The following VPS51 variants were observed in gnomAD, a reference collection of about 807,000 sequenced individuals.
The protein encoded by VPS51 is vacuolar protein sorting-associated protein 51 homolog.
Under a neutral mutation model 65.1 loss-of-function variants are expected in VPS51, and 55 were observed. That is an observed-to-expected ratio of 0.84 (90% CI 0.68 to 1.06). The LOEUF is 1.06. VPS51 is among the 50% of genes least tolerant of loss of function. The pLI, the probability that VPS51 is intolerant of heterozygous loss-of-function variation, is 0.00. For missense variants in VPS51, 943 were observed against 1,101.6 expected, an observed-to-expected ratio of 0.86 and a Z score of 2.04; for synonymous variants, 473 against 489.5, an observed-to-expected ratio of 0.97 and a Z score of 0.44.
intron 9 of VPS51, 110 bp downstream of exon 9, chr11:65,110,891 CCCTGACCCT>C: frequency 7.7e-7 from 1 of 1,299,914 alleles, no homozygotes; most frequent in Non-Finnish European, 1.1e-6. Flanking sequence ...CTGGGGGTGA[CCCTGACCCT>C]CCAGTCTCTG....
At chr11:65,110,071 GC>G in intron 7 of VPS51, 148 bp downstream of exon 7, 2 of 905,504 alleles carry the variant, frequency 2.2e-6, no homozygotes, top group African/African-American at 1.7e-5. Context: ...CAGTTCTGTA[GC>G]CAGGGCGTCC....
chr11:65,096,848 G>A, intron 1 of VPS51, 150 bp from the exon 2 acceptor site: 1 of 1,224,238 alleles, frequency 8.2e-7, no homozygotes, highest in Non-Finnish European at 1.1e-6. Context: ...GCCACTTAGG[G>A]CCCCCTGCCT....
intron 2 of VPS51, among the ~76,000 whole-genome samples, chr11:65,100,843 G>A (rs1190344568): frequency 6.6e-6 from 1 of 152,078 alleles, no homozygotes; most frequent in Non-Finnish European, 1.5e-5. Context: ...ACCATGCCTG[G>A]CCAATAGCAG....
At chr11:65,100,821 CAGGCAAG>C (rs1364319891) in intron 2 of VPS51, among the ~76,000 whole-genome samples, 1 of 152,094 alleles carries the variant, frequency 6.6e-6, no homozygotes, top group African/African-American at 2.4e-5. Flanking sequence ...ACTGGGATTA[CAGGCAAG>C]AGCCACCATG....
rs1947904343 is a variant in VPS51 at position 65,111,656 on chromosome 11, C to T, written c.*69C>T. 7.1e-7 allele frequency: 1 copy of T among 1,403,588 alleles called. No homozygotes were observed. Among genetic ancestry groups the T allele is most frequent in the Non-Finnish European group, 9.3e-7 (1 of 1,072,156 alleles). The allele number at this position is 1,403,588 out of a possible 1,614,324, so 86.9% of individuals were successfully genotyped here. On this transcript the variant is annotated 3_prime_UTR_variant, in exon 10 of 10. Coordinates refer to ENST00000279281, the MANE Select transcript of VPS51 (RefSeq NM_013265.4). The stretch of plus-strand genomic sequence containing the variant: ...CACCCAGGATCTGGTCTCGGTGGTC[C>T]TTCCCCGCAGGCAGGTGTCAGGACC...
intron 9 of VPS51, 51 bp from the exon 10 acceptor site, chr11:65,111,276 C>T: frequency 1.3e-6 from 2 of 1,597,928 alleles, no homozygotes; most frequent in Non-Finnish European, 1.7e-6. Flanking sequence ...TTGGGTGTCC[C>T]CCACACACAC....
At position 65,111,627 on chromosome 11, in the gene VPS51, A is replaced by G. The variant is rs1463130705; in HGVS notation, c.*40A>G. 1.1e-5 allele frequency: 17 copies of G among 1,563,452 alleles called. No homozygotes were observed. Among genetic ancestry groups the G allele is most frequent in the Admixed American group, 3.5e-5 (2 of 56,646 alleles). On this transcript the variant is annotated 3_prime_UTR_variant, in exon 10 of 10. Transcript: ENST00000279281. ...ATGCACCGGTCTGTCCCTGCACCCC[A>G]TGGCACCCAGGATCTGGTCTCGGTG...
chr11:65,096,716 G>A (rs924482336), intron 1 of VPS51: 3 of 634,800 alleles, frequency 4.7e-6, no homozygotes, highest in East Asian at 5.5e-5. Flanking sequence ...TGATGTGATA[G>A]GCCCGGAATT....
intron 2 of VPS51, among the ~76,000 whole-genome samples, chr11:65,104,192 G>C (rs1030111663): frequency 2.6e-5 from 4 of 152,182 alleles, no homozygotes; most frequent in African/African-American, 7.2e-5. Context: ...GCCTCCCAAA[G>C]TGCTGGGATT....
chr11:65,096,882 G>T (rs1947774218), intron 1 of VPS51, 116 bp from the exon 2 acceptor site: 1 of 1,455,676 alleles, frequency 6.9e-7, no homozygotes, highest in Non-Finnish European at 9.2e-7. Context: ...GCCGGCGGGG[G>T]TTTGCGGGGT....
chr11:65,111,165 C>G, intron 9 of VPS51, 162 bp from the exon 10 acceptor site: 1 of 1,082,512 alleles, frequency 9.2e-7, no homozygotes, highest in South Asian at 1.3e-5. Flanking sequence ...CTCCAGATGA[C>G]GGCGCTAATA....
Position 65,108,231 on chromosome 11 carries a change from T to C in VPS51, c.760T>C (p.Cys254Arg). ...GGSGAPEQAECVELLLALGEP... is the reference protein window; with the variant it reads ...GGSGAPEQAERVELLLALGEP... The stretch of plus-strand genomic sequence containing the variant: ...CTCAGGCGCCCCGGAGCAGGCAGAG[T>C]GCGTGGAGCTGCTGCTGGCCCTGGG... Residue 254 changes from cysteine (C) to arginine (R), a missense_variant, in exon 5 of 10, where the codon TGC becomes CGC. Cys to Arg is a radical substitution (Grantham distance 180). Around this residue, in one of 2 missense-constraint regions of VPS51, gnomAD observed 855 missense variants for 953.7 expected, o/e 0.90. Coordinates refer to ENST00000279281, the MANE Select transcript of VPS51 (RefSeq NM_013265.4). The C allele has an allele frequency of 6.3e-7, 1 of 1,599,320 alleles. No individual in the cohort carries two copies. The highest frequency in any genetic ancestry group is 8.5e-7 in the Non-Finnish European group (1 of 1,175,058).
chr11:65,096,873 C>A (rs1182063822), intron 1 of VPS51, 125 bp from the exon 2 acceptor site: 2 of 1,424,872 alleles, frequency 1.4e-6, no homozygotes, highest in Non-Finnish European at 1.9e-6. Flanking sequence ...TTCCTGACAG[C>A]CGGCGGGGGT....
chr11:65,099,879 G>T (rs1413407564), intron 2 of VPS51, among the ~76,000 whole-genome samples: 1 of 152,166 alleles, frequency 6.6e-6, no homozygotes, highest in Non-Finnish European at 1.5e-5. Flanking sequence ...GAGACGGGTG[G>T]ATCATCTGAG....
intron 2 of VPS51, 171 bp downstream of exon 2, chr11:65,097,298 G>A: frequency 1.0e-6 from 1 of 979,308 alleles, no homozygotes; most frequent in South Asian, 1.6e-5. Context: ...GACTACTATA[G>A]AGATAATAGC....
chr11:65,104,870 C>G (rs1045203066), intron 2 of VPS51, among the ~76,000 whole-genome samples: 3 of 152,178 alleles, frequency 2.0e-5, no homozygotes, highest in Non-Finnish European at 2.9e-5. Flanking sequence ...GGCCAGATGC[C>G]TTTGTGTGGA....
In VPS51 at chr11:65,107,935, A is replaced by G; in HGVS notation, c.638A>G (p.Tyr213Cys). 6.4e-7 allele frequency: 1 copy of G among 1,564,942 alleles called. No homozygotes were observed. Among genetic ancestry groups the G allele is most frequent in the East Asian group, 2.4e-5 (1 of 41,702 alleles). Reference sequence around the variant, plus strand: ...CGCGCGCAGGCCGTGCTGCAGCAGTACCAACACCTGCCCTCGTTCCGCGCC... The same window carrying G: ...CGCGCGCAGGCCGTGCTGCAGCAGTGCCAACACCTGCCCTCGTTCCGCGCC... The part of the protein sequence containing the change: ...QGRAQAVLQQ[Y>C]QHLPSFRAIQ... The change falls in exon 4 of 10, where the codon TAC becomes TGC. Residue 213 changes from tyrosine (Y) to cysteine (C), a missense_variant. Physicochemically the swap from Tyr to Cys is radical, Grantham distance 194 (BLOSUM62 -2). Coordinates refer to ENST00000279281, the MANE Select transcript of VPS51 (RefSeq NM_013265.4). The surrounding 1 kb of genome is among the most constrained non-coding windows in gnomAD (Gnocchi z 4.0).
intron 1 of VPS51, 121 bp from the exon 2 acceptor site, chr11:65,096,877 C>A: frequency 7.2e-7 from 1 of 1,389,552 alleles, no homozygotes; most frequent in Non-Finnish European, 9.6e-7. Context: ...TGACAGCCGG[C>A]GGGGGTTTGC....
chr11:65,108,911 C>A lies in VPS51; in HGVS notation c.1440C>A (p.Phe480Leu). 1 of 1,612,918 alleles carries A rather than the reference C, an allele frequency of 6.2e-7. No homozygotes were observed. Among genetic ancestry groups the A allele is most frequent in the Non-Finnish European group, 8.5e-7 (1 of 1,179,932 alleles). ...TGTCCTTCTCCAACAAGCCCTACTTCCGGGTACGCCTCCTCTTGGGTGTTC... is the reference window on the plus strand; with the variant it reads ...TGTCCTTCTCCAACAAGCCCTACTTACGGGTACGCCTCCTCTTGGGTGTTC... ...KEVSFSNKPYFRGEFCSQGVR... is the reference protein window; with the variant it reads ...KEVSFSNKPYLRGEFCSQGVR... The change falls in exon 5 of 10, where the codon TTC becomes TTA. Residue 480 changes from phenylalanine (F) to leucine (L), a missense_variant. Phe to Leu is a conservative substitution (Grantham distance 22, BLOSUM62 0). Coordinates refer to ENST00000279281, the MANE Select transcript of VPS51 (RefSeq NM_013265.4).
Sources: allele counts gnomAD v4.1 joint callset (sites outside exome capture counted in the v4.1 genomes callset), GRCh38; gene constraint gnomAD v4.1.1; regional missense constraint gnomAD v4.1.1; non-coding constraint Gnocchi (gnomAD v3.1); transcripts MANE v1.5; gene names NCBI Gene and HGNC (gene_info 2026-07-23, HGNC 2026-07-21).